LRRC37A2: variants seen among roughly 807,000 people sequenced by gnomAD.
LRRC37A2 encodes leucine-rich repeat-containing protein 37A2.
Under a neutral mutation model 68.8 loss-of-function variants are expected in LRRC37A2, and 9 were observed. That is an observed-to-expected ratio of 0.13 (90% CI 0.08 to 0.23). LRRC37A2 has a LOEUF of 0.23. LRRC37A2 is among the 10% of genes least tolerant of loss of function. The pLI is 1.00. For synonymous variants in LRRC37A2, 63 were observed against 367.6 expected (o/e 0.17, Z 9.48); for missense variants, 168 against 950.4 (o/e 0.18, Z 10.82).
the LRRC37A2 span, among the ~76,000 whole-genome samples, chr17:46,744,316 T>C: frequency 1.3e-5 from 2 of 152,242 alleles, no homozygotes; most frequent in Admixed American, 6.5e-5. Context: ...ATGCTTAATA[T>C]TCTGAAATAT....
At chr17:46,752,034 C>T in the LRRC37A2 span, among the ~76,000 whole-genome samples, 8 of 152,174 alleles carry the variant, frequency 5.3e-5, no homozygotes, top group Admixed American at 5.2e-4. Context: ...AGCGACTGCA[C>T]ATATACCAAA....
At chr17:46,741,090 GAC>G in the LRRC37A2 span, among the ~76,000 whole-genome samples, 14 of 152,134 alleles carry the variant, frequency 9.2e-5, no homozygotes, top group Admixed American at 3.3e-4. Flanking sequence ...AAAAACAGTA[GAC>G]AGCAAAGCAT....
chr17:46,900,802 C>T, the LRRC37A2 span, among the ~76,000 whole-genome samples: 1 of 152,100 alleles, frequency 6.6e-6, no homozygotes. Context: ...GGTGGTTTGG[C>T]CTGGAGATAC....
the LRRC37A2 span, among the ~76,000 whole-genome samples, chr17:46,715,299 T>G: frequency 6.6e-6 from 1 of 152,250 alleles, no homozygotes; most frequent in East Asian, 1.9e-4. Flanking sequence ...ATAGAATAAC[T>G]GGGACCAGTG....
chr17:46,796,403 T>C, the LRRC37A2 span, among the ~76,000 whole-genome samples: 1 of 152,220 alleles, frequency 6.6e-6, no homozygotes, highest in South Asian at 2.1e-4. Context: ...AGGTATGTTA[T>C]CATCACCCCT....
At chr17:46,782,061 C>T in the LRRC37A2 span, among the ~76,000 whole-genome samples, 1 of 152,176 alleles carries the variant, frequency 6.6e-6, no homozygotes, top group African/African-American at 2.4e-5. Flanking sequence ...GAAGGTGGAC[C>T]CAGGGGCTGC....
At chr17:46,902,053 C>T in the LRRC37A2 span, among the ~76,000 whole-genome samples, 14 of 152,138 alleles carry the variant, frequency 9.2e-5, no homozygotes, top group African/African-American at 3.4e-4. Flanking sequence ...GGTGATCCAC[C>T]CACCTTGGCC....
At chr17:46,738,022 C>A in the LRRC37A2 span, among the ~76,000 whole-genome samples, 2 of 151,818 alleles carry the variant, frequency 1.3e-5, no homozygotes, top group African/African-American at 2.4e-5. Context: ...CAGCCTTTAC[C>A]TCCTGGGCTC....
the LRRC37A2 span, among the ~76,000 whole-genome samples, chr17:46,622,203 A>G: frequency 6.9e-6 from 1 of 144,564 alleles, no homozygotes; most frequent in Non-Finnish European, 1.5e-5. Context: ...CACACCTGTA[A>G]TCTCAGCACT....
chr17:46,759,034 G>A, the LRRC37A2 span, among the ~76,000 whole-genome samples: 16 of 152,222 alleles, frequency 1.1e-4, no homozygotes, highest in African/African-American at 3.4e-4. Flanking sequence ...GTGAAACACC[G>A]TCTCTACTAA....
At chr17:46,904,285 T>G in the LRRC37A2 span, among the ~76,000 whole-genome samples, 1 of 143,048 alleles carries the variant, frequency 7.0e-6, no homozygotes, top group Non-Finnish European at 1.5e-5. Context: ...GATGAATGGG[T>G]GGGTGGGTAA....
chr17:46,932,389 G>A, the LRRC37A2 span: 1 of 647,472 alleles, frequency 1.5e-6, no homozygotes, highest in Middle Eastern at 2.7e-4. Context: ...CTTTTTCTAA[G>A]ACAAAAACCT....
chr17:46,786,941 CTTTT>C, the LRRC37A2 span, among the ~76,000 whole-genome samples: 2 of 142,648 alleles, frequency 1.4e-5, no homozygotes, highest in African/African-American at 5.2e-5. Flanking sequence ...TTTCTTTTTT[CTTTT>C]TTTTTTTTTT....
At chr17:46,788,146 A>G in the LRRC37A2 span, among the ~76,000 whole-genome samples, 3 of 152,130 alleles carry the variant, frequency 2.0e-5, no homozygotes, top group Non-Finnish European at 4.4e-5. Context: ...CTGGGCCTTG[A>G]AGTTGAGCTC....
At chr17:46,898,088 G>A in the LRRC37A2 span, among the ~76,000 whole-genome samples, 2 of 152,254 alleles carry the variant, frequency 1.3e-5, no homozygotes, top group East Asian at 3.9e-4. Flanking sequence ...CATTACTGGG[G>A]ATGGATCACG....
At chr17:47,020,515 C>T in the LRRC37A2 span, among the ~76,000 whole-genome samples, 1 of 151,076 alleles carries the variant, frequency 6.6e-6, no homozygotes, top group Non-Finnish European at 1.5e-5. Context: ...TGTGGTGGCT[C>T]ACGCCTGTAA....
chr17:46,817,138 C>T, the LRRC37A2 span, among the ~76,000 whole-genome samples: 1 of 152,324 alleles, frequency 6.6e-6, no homozygotes, highest in African/African-American at 2.4e-5. Flanking sequence ...CTCCCAGGAG[C>T]CCCAAACACC....
chr17:46,609,482 C>T, the LRRC37A2 span, among the ~76,000 whole-genome samples: 1 of 151,846 alleles, frequency 6.6e-6, no homozygotes, highest in East Asian at 1.9e-4. Flanking sequence ...AATATTTGTT[C>T]TATGGAAAAG....
chr17:46,790,163 C>T, the LRRC37A2 span, among the ~76,000 whole-genome samples: 1 of 152,318 alleles, frequency 6.6e-6, no homozygotes, highest in South Asian at 2.1e-4. Context: ...TCAGTCCCTG[C>T]CACCCATTCC....
Sources: gnomAD v4.1 joint callset for allele counts (sites outside exome capture counted in the v4.1 genomes callset) on GRCh38, gnomAD v4.1.1 for gene constraint, MANE v1.5 for transcripts, NCBI Gene and HGNC (gene_info 2026-07-23, HGNC 2026-07-21) for gene names.